TOMM40L: variants seen among roughly 807,000 people sequenced by gnomAD.
TOMM40L encodes mitochondrial import receptor subunit TOM40B.
A neutral mutation model predicts 38.3 loss-of-function variants in TOMM40L; 17 were observed. That is an observed-to-expected ratio of 0.44 (90% CI 0.30 to 0.67). The LOEUF (loss-of-function observed/expected upper bound fraction) is 0.67. Ranked by LOEUF, TOMM40L falls within the 30% of genes least tolerant of loss-of-function variation. The pLI is 0.08. For synonymous variants in TOMM40L, 151 were observed against 150.2 expected (o/e 1.01, Z -0.04); for missense variants, 294 against 390.0 (o/e 0.75, Z 2.07).
In TOMM40L at chr1:161,229,792, T is replaced by A; in HGVS notation, c.*697T>A. 6.2e-7 allele frequency: 1 copy of A among 1,614,214 alleles called. No homozygotes were observed. Among genetic ancestry groups the A allele is most frequent in the Non-Finnish European group, 8.5e-7 (1 of 1,180,036 alleles). On this transcript the variant is annotated 3_prime_UTR_variant, in exon 10 of 10. Coordinates refer to ENST00000367988, the MANE Select transcript of TOMM40L (RefSeq NM_032174.6). The stretch of plus-strand genomic sequence containing the variant: ...GGTGAGCTGGGGAAGGAAGTGAGCA[T>A]GGCCTCAGCTGCAGATCTCCTGGAG...
At position 161,227,980 on chromosome 1, in the gene TOMM40L, G is replaced by A; in HGVS notation, c.475G>A (p.Gly159Arg). 6.2e-7 allele frequency: 1 copy of A among 1,614,074 alleles called. No individual in the cohort carries two copies. The highest frequency in any genetic ancestry group is 2.2e-5 in the East Asian group (1 of 44,892). Residue 159 changes from glycine (G) to arginine (R), a missense_variant, in exon 6 of 10, where the codon GGG becomes AGG. Transcript: ENST00000367988. ...GACCCTAGGAAATCCTGACCTGATT[G>A]GGGAGTCGGGTGAGGAACTGGGACA... ...TLTLGNPDLI[G>R]ESVIMVAHFL...
At chr1:161,228,090 T>G (rs1216999003) in intron 6 of TOMM40L, 96 bp from the exon 7 acceptor site, 2 of 1,589,442 alleles carry the variant, frequency 1.3e-6, no homozygotes, top group Non-Finnish European at 1.7e-6. Flanking sequence ...GAAAAGGAAC[T>G]TCTTGGGCAG....
In TOMM40L at chr1:161,230,733, A is replaced by C. The variant is rs768193059; in HGVS notation, c.*1638A>C. ...TTCCCTAAGGAAAGGACAGTAAAAA[A>C]ACATTCCTCCCAAGCTCAATGTTTC... On this transcript the variant is annotated 3_prime_UTR_variant, in exon 10 of 10. Transcript: ENST00000367988. 3.1e-6 allele frequency: 5 copies of C among 1,594,836 alleles called. No individual in the cohort carries two copies. The highest frequency in any genetic ancestry group is 4.3e-6 in the Non-Finnish European group (5 of 1,168,772).
In TOMM40L at chr1:161,229,764, C is replaced by G; in HGVS notation, c.*669C>G. ...CCCACTCCAGTGTATCCAGGGTGTT[C>G]CAGGTGAGCTGGGGAAGGAAGTGAG... On this transcript the variant is annotated 3_prime_UTR_variant, in exon 10 of 10. Coordinates refer to ENST00000367988, the MANE Select transcript of TOMM40L (RefSeq NM_032174.6). 1 of 1,614,214 alleles carries G rather than the reference C, an allele frequency of 6.2e-7. No homozygotes were observed. Among genetic ancestry groups the G allele is most frequent in the Non-Finnish European group, 8.5e-7 (1 of 1,180,048 alleles).
At chr1:161,227,213 T>C in intron 3 of TOMM40L, 45 bp from the exon 4 acceptor site, 1 of 1,572,576 alleles carries the variant, frequency 6.4e-7, no homozygotes, top group South Asian at 1.1e-5. Context: ...GGGATTGAAG[T>C]GGAGCAGGAA....
chr1:161,228,346 C>A, intron 7 of TOMM40L, 38 bp downstream of exon 7: 1 of 1,609,014 alleles, frequency 6.2e-7, no homozygotes, highest in Non-Finnish European at 8.5e-7. Flanking sequence ...TGGTGGGGGG[C>A]AATTCTGGAC....
In TOMM40L at chr1:161,230,655, C is replaced by T. The variant is rs757919735; in HGVS notation, c.*1560C>T. On this transcript the variant is annotated 3_prime_UTR_variant, in exon 10 of 10. Coordinates refer to ENST00000367988, the MANE Select transcript of TOMM40L (RefSeq NM_032174.6). The stretch of plus-strand genomic sequence containing the variant: ...AAATACAGCAATTTGGATGCTGAAA[C>T]GATGTGAGACAGGGATGGCCAGGGG... 8.9e-5 allele frequency: 81 copies of T among 907,336 alleles called. No individual in the cohort carries two copies. Among genetic ancestry groups the T allele is most frequent in the Non-Finnish European group, 1.3e-4 (76 of 607,472 alleles). 56.2% of individuals were successfully genotyped at this position (907,336 alleles called of 1,614,324 possible). A position where few individuals can be genotyped will look rare whatever the true frequency, so the allele number is the denominator to read the frequency against.
chr1:161,230,131 A>T lies in TOMM40L; in HGVS notation c.*1036A>T. ...CGGTCTGACACTGTCTTCTCTCACC[A>T]TGCTCAGTTTTTTCTGAACCCAGAG... On this transcript the variant is annotated 3_prime_UTR_variant, in exon 10 of 10. Coordinates refer to ENST00000367988, the MANE Select transcript of TOMM40L (RefSeq NM_032174.6). 1.7e-6 allele frequency: 1 copy of T among 581,438 alleles called. No homozygotes were observed. Among genetic ancestry groups the T allele is most frequent in the Non-Finnish European group, 3.0e-6 (1 of 335,270 alleles). The allele number at this position is 581,438 out of a possible 1,614,324, so 36.0% of individuals were successfully genotyped here.
intron 4 of TOMM40L, 81 bp from the exon 5 acceptor site, chr1:161,227,555 T>G (rs1189793755): frequency 2.3e-6 from 3 of 1,277,892 alleles, no homozygotes; most frequent in South Asian, 1.3e-5. Context: ...CGCTGTGCAC[T>G]CTTAATGAAG....
rs1426193962 is a variant in TOMM40L, at chr1:161,229,758, G to A, written c.*663G>A. 1.9e-6 allele frequency: 3 copies of A among 1,614,108 alleles called. No homozygotes were observed. Among genetic ancestry groups the A allele is most frequent in the Non-Finnish European group, 2.5e-6 (3 of 1,180,052 alleles). ...CATTTTCCCACTCCAGTGTATCCAG[G>A]GTGTTCCAGGTGAGCTGGGGAAGGA... On this transcript the variant is annotated 3_prime_UTR_variant, in exon 10 of 10. Transcript: ENST00000367988.
chr1:161,230,555 C>A lies in TOMM40L; in HGVS notation c.*1460C>A. ...ATCTCAGGAATGCTATTACCCAGAG[C>A]CTCTGAGCTACTACTTTGCATCTGT... On this transcript the variant is annotated 3_prime_UTR_variant, in exon 10 of 10. Coordinates refer to ENST00000367988, the MANE Select transcript of TOMM40L (RefSeq NM_032174.6). The A allele has an allele frequency of 1.7e-6, 1 of 578,062 alleles. No homozygotes were observed. Among genetic ancestry groups the A allele is most frequent in the Non-Finnish European group, 3.1e-6 (1 of 327,648 alleles). The allele number at this position is 578,062 out of a possible 1,614,324, so 35.8% of individuals were successfully genotyped here.
rs539816003 is a variant in TOMM40L, at chr1:161,226,443, G to A, written c.-47G>A. The A allele has an allele frequency of 9.7e-6, 15 of 1,552,162 alleles. No homozygotes were observed. Among genetic ancestry groups the A allele is most frequent in the South Asian group, 6.8e-5 (6 of 88,054 alleles). ...CGTTGGGGGGTAAAGGGGCAATAGCGTCCTTTCACAGGCTAACCTCGGCTC... is the reference window on the plus strand; with the variant it reads ...CGTTGGGGGGTAAAGGGGCAATAGCATCCTTTCACAGGCTAACCTCGGCTC... On this transcript the variant is annotated 5_prime_UTR_variant, in exon 2 of 10. Transcript: ENST00000367988.
At chr1:161,228,579 C>T (rs1427317126) in intron 8 of TOMM40L, 75 bp downstream of exon 8, 1 of 1,579,168 alleles carries the variant, frequency 6.3e-7, no homozygotes. Context: ...CCTCTATCGC[C>T]CTGCTGACCT....
At position 161,229,319 on chromosome 1, in the gene TOMM40L, C is replaced by T. The variant is rs959248732; in HGVS notation, c.*224C>T. 9 of 649,274 alleles carry T rather than the reference C, an allele frequency of 1.4e-5. 1 individual carries two copies. The highest frequency in any genetic ancestry group is 2.4e-5 in the Non-Finnish European group (9 of 381,768). The allele number at this position is 649,274 out of a possible 1,614,324, so 40.2% of individuals were successfully genotyped here. A position where few individuals can be genotyped will look rare whatever the true frequency, so the allele number is the denominator to read the frequency against. ...CCCTCTGCTACCAGCCCCAGTATCA[C>T]CTTCCCCATGCTCTTGTGGCTGTGG... On this transcript the variant is annotated 3_prime_UTR_variant, in exon 10 of 10. Transcript: ENST00000367988.
chr1:161,228,543 C>A, intron 8 of TOMM40L, 39 bp downstream of exon 8: 1 of 1,608,690 alleles, frequency 6.2e-7, no homozygotes, highest in South Asian at 1.1e-5. Flanking sequence ...GTCAGCAAGT[C>A]AGTCATGAAC....
intron 9 of TOMM40L, 29 bp downstream of exon 9, chr1:161,228,846 T>G (rs1666575355): frequency 8.1e-6 from 13 of 1,613,882 alleles, no homozygotes; most frequent in Non-Finnish European, 1.1e-5. Context: ...CATTTGGCTA[T>G]CCTGAGGAAT....
chr1:161,228,462 A>G lies in TOMM40L; in HGVS notation c.642A>G (p.Ser214=), dbSNP rs142881710. The part of the protein sequence containing the change: ...VHWVATLNVG[S]GGAHASYYHR... The stretch of plus-strand genomic sequence containing the variant: ...GGGTAGCTACATTGAATGTGGGATC[A>G]GGCGGGGCCCATGCAAGTTACTACC... Residue 214 remains serine, a synonymous_variant, in exon 8 of 10, where the codon TCA becomes TCG. Transcript: ENST00000367988. 2.1e-4 allele frequency: 339 copies of G among 1,614,044 alleles called. No homozygotes were observed. The highest frequency in any genetic ancestry group is 2.6e-4 in the Non-Finnish European group (312 of 1,180,020).
rs770446360 is a variant in TOMM40L at position 161,226,617 on chromosome 1, C to T, written c.115+13C>T. 2.7e-5 allele frequency: 43 copies of T among 1,610,122 alleles called. No individual in the cohort carries two copies. Among genetic ancestry groups the T allele is most frequent in the Non-Finnish European group, 3.4e-5 (40 of 1,177,132 alleles). On this transcript the variant is annotated intron_variant, in intron 2 of 9. Transcript: ENST00000367988. ...CGTCTATGCAAAGGTGAGAACTTGGCACTTGGGTGTCTCAGGATGAAGGGG... is the reference window on the plus strand; with the variant it reads ...CGTCTATGCAAAGGTGAGAACTTGGTACTTGGGTGTCTCAGGATGAAGGGG...
rs1666591630 is a variant in TOMM40L, at chr1:161,228,994, GAGA to G, written c.833_835del (p.Lys278del). ...TAACTGGTGTGTAGGTGCTGTGCTG[GAGA>G]AGAAGATGCCCCCTCTGCCTGTCAC... On this transcript the variant is annotated inframe_deletion, in exon 10 of 10. Transcript: ENST00000367988. 1.9e-6 allele frequency: 3 copies of G among 1,614,154 alleles called. No homozygotes were observed. Among genetic ancestry groups the G allele is most frequent in the Non-Finnish European group, 8.5e-7 (1 of 1,180,028 alleles).
Sources: allele counts gnomAD v4.1 joint callset, GRCh38; gene constraint gnomAD v4.1.1; transcripts MANE v1.5; gene names NCBI Gene and HGNC (gene_info 2026-07-23, HGNC 2026-07-21).